The following PPP1R16B variants were observed in gnomAD, a reference collection of about 807,000 sequenced individuals.
PPP1R16B encodes protein phosphatase 1 regulatory subunit 16B.
Under a neutral mutation model 61.7 loss-of-function variants are expected in PPP1R16B, and 14 were observed. The ratio of observed to expected loss-of-function variants is 0.23; its 90% CI spans 0.15 to 0.35. The LOEUF is 0.35. Ranked by LOEUF, PPP1R16B falls within the 10% of genes least tolerant of loss-of-function variation. PPP1R16B has a pLI of 1.00. For synonymous variants in PPP1R16B, 266 were observed against 305.3 expected (o/e 0.87, Z 1.34); for missense variants, 547 against 752.5 (o/e 0.73, Z 3.19).
intron 2 of PPP1R16B, among the ~76,000 whole-genome samples, chr20:38,840,829 C>A (rs897119551): frequency 3.3e-5 from 5 of 152,214 alleles, no homozygotes; most frequent in African/African-American, 1.2e-4. Flanking sequence ...TCCATCTCCC[C>A]ATCGGTAAAA....
At chr20:38,916,392 T>TTA (rs200418964) in intron 10 of PPP1R16B, among the ~76,000 whole-genome samples, 3 of 148,224 alleles carry the variant, frequency 2.0e-5, no homozygotes, top group African/African-American at 7.4e-5. Context: ...TTATATATAT[T>TTA]TATATATGTA....
At chr20:38,862,732 T>G (rs208818) in intron 2 of PPP1R16B, among the ~76,000 whole-genome samples, 121,672 of 152,112 alleles carry the variant, frequency 0.8, 49,132 homozygotes, top group African/African-American at 0.9. Flanking sequence ...GGCCACAAGG[T>G]TGACTGTGGC....
chr20:38,825,928 G>A (rs80067936), intron 1 of PPP1R16B, among the ~76,000 whole-genome samples: 11,292 of 152,198 alleles, frequency 0.074, 440 homozygotes, highest in Admixed American at 0.11. Flanking sequence ...CACAACACAC[G>A]TTCTCCCTGT....
At chr20:38,860,506 G>A (rs577424578) in intron 2 of PPP1R16B, among the ~76,000 whole-genome samples, 2 of 152,354 alleles carry the variant, frequency 1.3e-5, no homozygotes, top group East Asian at 3.9e-4. Flanking sequence ...ACCACATGGG[G>A]CGGTATAGCC....
At chr20:38,871,441 A>C (rs2085128389) in intron 2 of PPP1R16B, among the ~76,000 whole-genome samples, 2 of 152,012 alleles carry the variant, frequency 1.3e-5, no homozygotes, top group Admixed American at 6.6e-5. Flanking sequence ...CATTGTGGAC[A>C]CCTGCTTTGT....
chr20:38,848,391 T>C (rs6028163), intron 2 of PPP1R16B, among the ~76,000 whole-genome samples: 101,131 of 152,094 alleles, frequency 0.66, 34,069 homozygotes, highest in African/African-American at 0.77. Context: ...AGGCCACCCT[T>C]GTACTCTAGA....
intron 2 of PPP1R16B, among the ~76,000 whole-genome samples, chr20:38,880,942 G>T (rs541266747): frequency 1.3e-5 from 2 of 152,288 alleles, no homozygotes; most frequent in African/African-American, 4.8e-5. Context: ...GGGCCCGAGG[G>T]CTCTGATTTC....
chr20:38,871,581 G>GTCGCCGTATCATTAA (rs2085129413), intron 2 of PPP1R16B, among the ~76,000 whole-genome samples: 1 of 135,018 alleles, frequency 7.4e-6, no homozygotes, highest in Non-Finnish European at 1.6e-5. Context: ...AGGAAGAGAG[G>GTCGCCGTATCATTAA]AACGAAGGGA....
chr20:38,835,886 G>T lies in PPP1R16B; in HGVS notation c.-40G>T, dbSNP rs2084866119. The stretch of plus-strand genomic sequence containing the variant: ...GCGCTGCCCTGGCCCCCGGTGCACC[G>T]TGCTAGCCCCCAGCCAGGGCGTTGG... On this transcript the variant is annotated 5_prime_UTR_variant, in exon 2 of 11. Transcript: ENST00000299824. 1 of 1,506,944 alleles carries T rather than the reference G, an allele frequency of 6.6e-7. No homozygotes were observed. Among genetic ancestry groups the T allele is most frequent in the Non-Finnish European group, 8.8e-7 (1 of 1,130,744 alleles). 93.3% of individuals were successfully genotyped at this position (1,506,944 alleles called of 1,614,324 possible).
At chr20:38,868,473 C>G (rs1242782914) in intron 2 of PPP1R16B, among the ~76,000 whole-genome samples, 1 of 151,592 alleles carries the variant, frequency 6.6e-6, no homozygotes, top group Non-Finnish European at 1.5e-5. Flanking sequence ...CAATCTCTGT[C>G]TCCTGGGTTC....
At chr20:38,901,438 C>T (rs932123975) in intron 5 of PPP1R16B, among the ~76,000 whole-genome samples, 2 of 152,198 alleles carry the variant, frequency 1.3e-5, no homozygotes, top group Non-Finnish European at 2.9e-5. Context: ...GAGATGGAGT[C>T]TTGCTGTGTC....
At chr20:38,872,999 G>A (rs2085140885) in intron 2 of PPP1R16B, 1 of 152,330 alleles carries the variant, frequency 6.6e-6, no homozygotes, top group African/African-American at 2.4e-5. Flanking sequence ...CTGCTGATCA[G>A]AAAACTGTGC....
At chr20:38,840,376 G>GAGTT (rs199751158) in intron 2 of PPP1R16B, among the ~76,000 whole-genome samples, 5,368 of 152,204 alleles carry the variant, frequency 0.035, 175 homozygotes, top group South Asian at 0.091. Flanking sequence ...GGAACTCACT[G>GAGTT]AGTTTCATCC....
In PPP1R16B at chr20:38,897,718, A is replaced by G. The variant is rs900951502; in HGVS notation, c.467+2008A>G. 2.0e-5 allele frequency among the ~76,000 whole-genome samples: 3 copies of G among 152,346 alleles called. No homozygotes were observed. In the East Asian group the frequency reaches 5.8e-4, roughly 29 times the overall value. On this transcript the variant is annotated intron_variant, in intron 4 of 10. Coordinates refer to ENST00000299824, the MANE Select transcript of PPP1R16B (RefSeq NM_015568.4). ...CATGTTACATTCCCACCAACAGTAC[A>G]CAAGGATTCTAGTTTCTCCACATCC...
chr20:38,835,753 G>T, intron 1 of PPP1R16B, 72 bp from the exon 2 acceptor site: 1 of 787,540 alleles, frequency 1.3e-6, no homozygotes, highest in Non-Finnish European at 1.9e-6. Context: ...AACACGGGGC[G>T]TTGGGGGACG....
At chr20:38,841,808 C>T (rs1235063997) in intron 2 of PPP1R16B, among the ~76,000 whole-genome samples, 1 of 152,144 alleles carries the variant, frequency 6.6e-6, no homozygotes, top group Non-Finnish European at 1.5e-5. Context: ...TATAGATATT[C>T]CGCATTTTGT....
chr20:38,869,770 G>A (rs996489857), intron 2 of PPP1R16B, among the ~76,000 whole-genome samples: 1 of 151,918 alleles, frequency 6.6e-6, no homozygotes, highest in East Asian at 1.9e-4. Context: ...CCTGGCCTAT[G>A]GAATATATTA....
At chr20:38,850,793 C>A (rs1479657933) in intron 2 of PPP1R16B, among the ~76,000 whole-genome samples, 1 of 151,574 alleles carries the variant, frequency 6.6e-6, no homozygotes, top group Non-Finnish European at 1.5e-5. Context: ...ATGGTGAAAC[C>A]CTGTCTCTAC....
At chr20:38,894,723 C>T (rs992711289) in intron 3 of PPP1R16B, among the ~76,000 whole-genome samples, 2 of 152,172 alleles carry the variant, frequency 1.3e-5, no homozygotes, top group African/African-American at 2.4e-5. Flanking sequence ...CTGTCTTTCT[C>T]CTCTCTCCCG....
Sources: gnomAD v4.1 joint callset for allele counts (sites outside exome capture counted in the v4.1 genomes callset) on GRCh38, gnomAD v4.1.1 for gene constraint, MANE v1.5 for transcripts, NCBI Gene and HGNC (gene_info 2026-07-23, HGNC 2026-07-21) for gene names.